CREBBP: variants seen among roughly 807,000 people sequenced by gnomAD.
The protein encoded by CREBBP is CREB binding lysine acetyltransferase, also known as CREB-binding protein.
In CREBBP, 19 loss-of-function variants were observed where a neutral mutation model predicts 265.0. The ratio of observed to expected loss-of-function variants is 0.07; its 90% CI spans 0.05 to 0.11. CREBBP has a LOEUF of 0.11. Ranked by LOEUF, CREBBP falls within the 10% of genes least tolerant of loss-of-function variation. The pLI is 1.00. For synonymous variants in CREBBP, 1,457 were observed against 1,223.7 expected (o/e 1.19, Z -3.98); for missense variants, 2,525 against 3,219.0 (o/e 0.78, Z 5.22).
chr16:3,851,104 A>T, intron 1 of CREBBP, 95 bp from the exon 2 acceptor site: 1 of 1,012,438 alleles, frequency 9.9e-7, no homozygotes, highest in East Asian at 2.5e-5. Context: ...TGGGGCATTC[A>T]GCACGAACAC....
At chr16:3,768,582 G>C (rs2052921910) in intron 15 of CREBBP, among the ~76,000 whole-genome samples, 1 of 152,246 alleles carries the variant, frequency 6.6e-6, no homozygotes, top group African/African-American at 2.4e-5. Context: ...CTCAGAGGCA[G>C]GTGTGGTATG....
At chr16:3,838,712 A>C (rs1405694047) in intron 2 of CREBBP, among the ~76,000 whole-genome samples, 1 of 152,182 alleles carries the variant, frequency 6.6e-6, no homozygotes, top group Non-Finnish European at 1.5e-5. Context: ...TTGTATAACA[A>C]ACATCAACTT....
intron 23 of CREBBP, 29 bp downstream of exon 23, chr16:3,744,865 C>T: frequency 1.3e-6 from 2 of 1,565,868 alleles, no homozygotes; most frequent in Non-Finnish European, 1.8e-6. Flanking sequence ...ATGTGCAGTC[C>T]AGGAAACAGA....
At chr16:3,843,831 T>G (rs1220998875) in intron 2 of CREBBP, among the ~76,000 whole-genome samples, 2 of 152,150 alleles carry the variant, frequency 1.3e-5, no homozygotes, top group East Asian at 3.9e-4. Flanking sequence ...CCAAATCGAT[T>G]TAAACTGTTT....
intron 2 of CREBBP, among the ~76,000 whole-genome samples, chr16:3,848,935 C>A (rs2141477446): frequency 6.6e-6 from 1 of 152,294 alleles, no homozygotes; most frequent in Non-Finnish European, 1.5e-5. Context: ...ATCTTCATTT[C>A]TTAAGTTAAA....
intron 28 of CREBBP, among the ~76,000 whole-genome samples, chr16:3,733,613 T>G (rs532219068): frequency 2.6e-5 from 4 of 152,290 alleles, no homozygotes; most frequent in African/African-American, 7.2e-5. Flanking sequence ...TGGAACTCTG[T>G]GCTCAATTTT....
chr16:3,879,913 C>A lies in CREBBP; in HGVS notation c.4G>T (p.Ala2Ser), dbSNP rs757085278. 1 of 1,611,996 alleles carries A rather than the reference C, an allele frequency of 6.2e-7. No individual in the cohort carries two copies. Among genetic ancestry groups the A allele is most frequent in the Non-Finnish European group, 8.5e-7 (1 of 1,179,102 alleles). Residue 2 changes from alanine to serine, a missense_variant, in exon 1 of 31, where the codon GCT (alanine) becomes TCT (serine). Around this residue, in one of 19 missense-constraint regions of CREBBP, gnomAD observed 356 missense variants for 340.4 expected, o/e 1.05. Transcript: ENST00000262367. The part of the protein sequence containing the change: M[A>S]ENLLDGPPNP... ...GGCGGTCCGTCCAGCAAGTTCTCAGCCATTTTCACCTGCTCGCGAAAACAG... is the reference window on the plus strand; with the variant it reads ...GGCGGTCCGTCCAGCAAGTTCTCAGACATTTTCACCTGCTCGCGAAAACAG...
intron 11 of CREBBP, among the ~76,000 whole-genome samples, chr16:3,777,136 C>T (rs989509049): frequency 6.6e-6 from 1 of 152,036 alleles, no homozygotes; most frequent in Non-Finnish European, 1.5e-5. Context: ...GAGATCAAGA[C>T]CATCCTGGCT....
intron 1 of CREBBP, among the ~76,000 whole-genome samples, chr16:3,859,765 G>A (rs2055035201): frequency 6.6e-6 from 1 of 152,228 alleles, no homozygotes; most frequent in Admixed American, 6.5e-5. Context: ...CTGAACACAT[G>A]GAGGTTCCTG....
At chr16:3,764,997 TG>T (rs2052814424) in intron 16 of CREBBP, among the ~76,000 whole-genome samples, 1 of 152,128 alleles carries the variant, frequency 6.6e-6, no homozygotes. Context: ...TTTTGTTTTT[TG>T]AGACGGCGTC....
chr16:3,803,477 C>A (rs925787439), intron 3 of CREBBP, among the ~76,000 whole-genome samples: 1 of 151,860 alleles, frequency 6.6e-6, no homozygotes, highest in Non-Finnish European at 1.5e-5. Context: ...TGCACTCTAG[C>A]CTGGGCGACA....
intron 2 of CREBBP, 21 bp downstream of exon 2, chr16:3,850,276 A>G (rs775246849): frequency 1.2e-5 from 19 of 1,613,280 alleles, no homozygotes; most frequent in South Asian, 3.3e-5. Flanking sequence ...GGAAGTATTG[A>G]AAGTGCTTCA....
At chr16:3,837,344 G>A (rs555586118) in intron 2 of CREBBP, among the ~76,000 whole-genome samples, 127 of 152,246 alleles carry the variant, frequency 8.3e-4, no homozygotes, top group Non-Finnish European at 1.5e-3. Context: ...GGCCGGGCGC[G>A]GTGGCTCACA....
At chr16:3,803,881 G>T (rs2053775838) in intron 3 of CREBBP, among the ~76,000 whole-genome samples, 1 of 152,008 alleles carries the variant, frequency 6.6e-6, no homozygotes, top group African/African-American at 2.4e-5. Context: ...AGGAGTTTGA[G>T]ACCAGCCTCA....
At chr16:3,820,943 C>A (rs866611094) in intron 2 of CREBBP, among the ~76,000 whole-genome samples, 42 of 152,252 alleles carry the variant, frequency 2.8e-4, no homozygotes, top group African/African-American at 9.9e-4. Flanking sequence ...GAAACCGGCA[C>A]CCTAATACTA....
In CREBBP at chr16:3,731,638, A is replaced by G; in HGVS notation, c.4890+138T>C. 7.0e-7 allele frequency: 1 copy of G among 1,420,992 alleles called. No individual in the cohort carries two copies. The highest frequency in any genetic ancestry group is 1.4e-5 in the African/African-American group (1 of 71,106). 88.0% of individuals were successfully genotyped at this position (1,420,992 alleles called of 1,614,324 possible). On this transcript the variant is annotated intron_variant, in intron 29 of 30. Coordinates refer to ENST00000262367, the MANE Select transcript of CREBBP (RefSeq NM_004380.3). The surrounding 1 kb of genome is among the most constrained non-coding windows in gnomAD (Gnocchi z 7.7). ...AATTGGTGACACGTTGCATGATGTCACCCAACTGGTCCACTTGGTTTCCTG... is the reference window on the plus strand; with the variant it reads ...AATTGGTGACACGTTGCATGATGTCGCCCAACTGGTCCACTTGGTTTCCTG...
At chr16:3,774,757 G>A in intron 11 of CREBBP, 64 bp from the exon 12 acceptor site, 1 of 1,603,606 alleles carries the variant, frequency 6.2e-7, no homozygotes, top group East Asian at 2.2e-5. Flanking sequence ...ATTACAACTT[G>A]CTAAATAAAC....
intron 3 of CREBBP, among the ~76,000 whole-genome samples, chr16:3,794,856 A>G (rs554762765): frequency 1.1e-4 from 16 of 152,230 alleles, no homozygotes; most frequent in Admixed American, 5.9e-4. Flanking sequence ...GGGATTTCCA[A>G]TTTTCTCTAG....
At chr16:3,822,090 A>C (rs2054151916) in intron 2 of CREBBP, among the ~76,000 whole-genome samples, 1 of 152,198 alleles carries the variant, frequency 6.6e-6, no homozygotes, top group Admixed American at 6.5e-5. Flanking sequence ...TGTAAAGACG[A>C]AATTAATTTA....
Sources: gnomAD v4.1 joint callset for allele counts (sites outside exome capture counted in the v4.1 genomes callset) on GRCh38, gnomAD v4.1.1 for gene constraint, gnomAD v4.1.1 regional missense constraint, Gnocchi (gnomAD v3.1) non-coding constraint, MANE v1.5 for transcripts, NCBI Gene and HGNC (gene_info 2026-07-23, HGNC 2026-07-21) for gene names.